SUPT3H: variants seen among roughly 807,000 people sequenced by gnomAD.
The protein encoded by SUPT3H is SPT3 homolog, SAGA and STAGA complex component, also known as transcription initiation protein SPT3 homolog.
SUPT3H carries 44 observed loss-of-function variants against 44.3 expected under a neutral mutation model. The ratio of observed to expected loss-of-function variants is 0.99; its 90% CI spans 0.78 to 1.28. The LOEUF (loss-of-function observed/expected upper bound fraction) is 1.28, where lower values mean the gene tolerates loss of function less well. Ranked by LOEUF, SUPT3H falls within the 50% of genes most tolerant of loss-of-function variation. The pLI, the probability that SUPT3H is intolerant of heterozygous loss-of-function variation, is 0.00. For missense variants in SUPT3H, 380 were observed against 387.1 expected (o/e 0.98, Z 0.15); for synonymous variants, 124 against 125.6 (o/e 0.99, Z 0.09).
intron 10 of SUPT3H, among the ~76,000 whole-genome samples, chr6:44,841,036 T>C (rs1415176268): frequency 1.3e-5 from 2 of 152,214 alleles, no homozygotes; most frequent in Non-Finnish European, 2.9e-5. Context: ...TCTGTCTCTG[T>C]GATGTGCCTG....
intron 2 of SUPT3H, among the ~76,000 whole-genome samples, chr6:45,353,468 C>A (rs17209769): frequency 0.23 from 34,327 of 151,646 alleles, 4,542 homozygotes; most frequent in Non-Finnish European, 0.31. Flanking sequence ...CGGAACAAAG[C>A]AGAAAAGTTT....
At chr6:45,226,930 G>A (rs1327535463) in intron 2 of SUPT3H, among the ~76,000 whole-genome samples, 12 of 151,932 alleles carry the variant, frequency 7.9e-5, no homozygotes, top group East Asian at 5.8e-4. Flanking sequence ...AGCCCTGTTC[G>A]AGGTTACAGT....
At chr6:45,211,863 AAGAG>A (rs1279534651) in intron 2 of SUPT3H, among the ~76,000 whole-genome samples, 7 of 151,458 alleles carry the variant, frequency 4.6e-5, no homozygotes, top group Non-Finnish European at 5.9e-5. Context: ...AAAAAAAAAA[AAGAG>A]AGAGAGAATT....
chr6:45,105,855 G>T, intron 3 of SUPT3H, 67 bp downstream of exon 3: 1 of 1,243,034 alleles, frequency 8.0e-7, no homozygotes, highest in Non-Finnish European at 1.2e-6. Flanking sequence ...TTTTTAAAGT[G>T]TTGGGTTACC....
At chr6:44,951,926 A>C (rs1774381126) in intron 9 of SUPT3H, among the ~76,000 whole-genome samples, 1 of 152,222 alleles carries the variant, frequency 6.6e-6, no homozygotes, top group Non-Finnish European at 1.5e-5. Context: ...GACATTTTAA[A>C]GGGGGTTTTT....
intron 2 of SUPT3H, among the ~76,000 whole-genome samples, chr6:45,137,490 A>G (rs1295036669): frequency 6.6e-6 from 1 of 152,030 alleles, no homozygotes; most frequent in Non-Finnish European, 1.5e-5. Flanking sequence ...GTATACCAAC[A>G]TATACCAATG....
At chr6:45,167,817 ATTTT>A (rs888390443) in intron 2 of SUPT3H, among the ~76,000 whole-genome samples, 4 of 143,638 alleles carry the variant, frequency 2.8e-5, no homozygotes, top group Admixed American at 7.0e-5. Context: ...ATTTTCATTT[ATTTT>A]TTTTTTTTAG....
chr6:45,293,173 C>A (rs1022330689), intron 2 of SUPT3H, among the ~76,000 whole-genome samples: 1 of 151,938 alleles, frequency 6.6e-6, no homozygotes, highest in Admixed American at 6.6e-5. Context: ...GGAAATCAAC[C>A]CCAAAAGGAA....
At chr6:45,296,786 T>A (rs953189885) in intron 2 of SUPT3H, among the ~76,000 whole-genome samples, 4 of 141,682 alleles carry the variant, frequency 2.8e-5, no homozygotes, top group African/African-American at 1.0e-4. Flanking sequence ...GTGCAGCGTA[T>A]TCTGCTCAGG....
intron 3 of SUPT3H, among the ~76,000 whole-genome samples, chr6:45,023,192 A>G (rs559296916): frequency 2.7e-4 from 41 of 152,198 alleles, no homozygotes; most frequent in African/African-American, 9.6e-4. Flanking sequence ...CTGATCATTA[A>G]GAGAAATGCA....
chr6:45,020,879 A>G (rs1396551760), intron 3 of SUPT3H, among the ~76,000 whole-genome samples: 2 of 151,958 alleles, frequency 1.3e-5, no homozygotes, highest in Non-Finnish European at 2.9e-5. Context: ...TCTTTCTTGC[A>G]AAAGAAAAAT....
intron 2 of SUPT3H, among the ~76,000 whole-genome samples, chr6:45,117,817 A>T (rs1158783162): frequency 1.3e-5 from 2 of 152,124 alleles, no homozygotes; most frequent in African/African-American, 2.4e-5. Flanking sequence ...GTTTCTTCAC[A>T]AAGGGCTTTC....
intron 10 of SUPT3H, among the ~76,000 whole-genome samples, chr6:44,835,575 A>G (rs952341925): frequency 3.3e-5 from 5 of 152,056 alleles, no homozygotes; most frequent in Non-Finnish European, 5.9e-5. Flanking sequence ...AAAGGTAGGG[A>G]GGTAGTAGAA....
At chr6:44,902,339 C>G (rs767287948) in intron 10 of SUPT3H, among the ~76,000 whole-genome samples, 17 of 151,958 alleles carry the variant, frequency 1.1e-4, no homozygotes, top group Non-Finnish European at 2.2e-4. Flanking sequence ...ATCTACCAAG[C>G]AAATGGAAAA....
chr6:45,096,929 C>T (rs1797866776), intron 3 of SUPT3H, among the ~76,000 whole-genome samples: 1 of 151,966 alleles, frequency 6.6e-6, no homozygotes, highest in East Asian at 1.9e-4. Flanking sequence ...AGAAATAGTC[C>T]ATAGTCCCAA....
intron 2 of SUPT3H, among the ~76,000 whole-genome samples, chr6:45,293,867 G>C (rs1458908690): frequency 1.3e-5 from 2 of 150,740 alleles, no homozygotes; most frequent in African/African-American, 4.9e-5. Flanking sequence ...CAAAAAAAAA[G>C]TCCAGGACCA....
rs561319975 is a variant in SUPT3H, at chr6:45,182,160, A to G, written c.102-76154T>C. On this transcript the variant is annotated intron_variant, in intron 2 of 10. Transcript: ENST00000371459. Reference sequence around the variant, plus strand: ...AGCTGATGCCTGTAACAAAATTCCAACGTTTAGTGTTGAGTATTCTGAAGA... The same window carrying G: ...AGCTGATGCCTGTAACAAAATTCCAGCGTTTAGTGTTGAGTATTCTGAAGA... Among the ~76,000 whole-genome samples, 4 of 152,306 alleles carry G rather than the reference A, an allele frequency of 2.6e-5. No individual in the cohort carries two copies. In the South Asian group the frequency reaches 8.3e-4, roughly 32 times the overall value.
chr6:45,345,012 AAACTGATTTATGT>A (rs1404217305), intron 2 of SUPT3H, among the ~76,000 whole-genome samples: 1 of 152,146 alleles, frequency 6.6e-6, no homozygotes, highest in Non-Finnish European at 1.5e-5. Flanking sequence ...AGAATTTAGC[AAACTGATTTATGT>A]AACAAAAAGG....
chr6:45,288,798 G>T (rs1378186532), intron 2 of SUPT3H, among the ~76,000 whole-genome samples: 1 of 151,752 alleles, frequency 6.6e-6, no homozygotes. Flanking sequence ...TTTTCTGACA[G>T]TTTTCACAAA....
Sources: allele counts gnomAD v4.1 joint callset (sites outside exome capture counted in the v4.1 genomes callset), GRCh38; gene constraint gnomAD v4.1.1; transcripts MANE v1.5; gene names NCBI Gene and HGNC (gene_info 2026-07-23, HGNC 2026-07-21).